RANBP2: variants seen among roughly 807,000 people sequenced by gnomAD.
RANBP2 encodes E3 SUMO-protein ligase RanBP2.
In RANBP2, 57 loss-of-function variants were observed where a neutral mutation model predicts 303.6. The ratio of observed to expected loss-of-function variants is 0.19; its 90% CI spans 0.15 to 0.23. RANBP2 has a LOEUF of 0.23. Among genes scored for constraint, RANBP2 ranks in the 10% least tolerant of loss-of-function variants. The pLI is 1.00. For missense variants in RANBP2, 3,138 were observed against 3,780.8 expected (o/e 0.83, Z 4.46); for synonymous variants, 1,167 against 1,301.5 (o/e 0.90, Z 2.23).
At chr2:109,137,067 A>G in the RANBP2 span, among the ~76,000 whole-genome samples, 6 of 152,226 alleles carry the variant, frequency 3.9e-5, no homozygotes. Context: ...GTCTCTATTT[A>G]TAATGAAATG....
the RANBP2 span, among the ~76,000 whole-genome samples, chr2:108,963,192 T>C: frequency 6.6e-6 from 1 of 152,118 alleles, no homozygotes; most frequent in African/African-American, 2.4e-5. Context: ...TTTGGGAAAA[T>C]ACATCTGAAG....
chr2:109,694,351 C>T, the RANBP2 span, among the ~76,000 whole-genome samples: 1 of 151,862 alleles, frequency 6.6e-6, no homozygotes, highest in Non-Finnish European at 1.5e-5. Flanking sequence ...TCCCCAAAAT[C>T]AGAAGCCTGC....
the RANBP2 span, among the ~76,000 whole-genome samples, chr2:109,069,215 A>G: frequency 4.6e-5 from 7 of 152,218 alleles, no homozygotes; most frequent in African/African-American, 1.7e-4. Context: ...TAAAATAGAG[A>G]TCATAAAAAG....
the RANBP2 span, among the ~76,000 whole-genome samples, chr2:109,680,654 C>A: frequency 6.6e-6 from 1 of 152,178 alleles, no homozygotes; most frequent in Non-Finnish European, 1.5e-5. Context: ...CTGAGCTGAC[C>A]CCCAGGGCAG....
At chr2:108,772,758 A>G (rs1677597196) in intron 22 of RANBP2, 110 bp from the exon 23 acceptor site, 3 of 1,272,006 alleles carry the variant, frequency 2.4e-6, no homozygotes, top group Non-Finnish European at 3.3e-6. Flanking sequence ...TTTCATTAGT[A>G]TGTACAGGTC....
chr2:109,054,845 A>G, the RANBP2 span, among the ~76,000 whole-genome samples: 2 of 152,110 alleles, frequency 1.3e-5, no homozygotes, highest in African/African-American at 4.8e-5. Flanking sequence ...TCCAGTTTCT[A>G]TCACCATAGC....
chr2:109,132,997 C>T, the RANBP2 span, among the ~76,000 whole-genome samples: 1 of 152,194 alleles, frequency 6.6e-6, no homozygotes, highest in Non-Finnish European at 1.5e-5. Context: ...TGAGCCTATA[C>T]AGAACATCTT....
In RANBP2 at chr2:108,755,229, A is replaced by G; in HGVS notation, c.2436A>G (p.Lys812=). ...RWAEDQNSLL[K]MICQQVEAIK... is the part of the protein sequence containing the mutation. Reference sequence around the variant, plus strand: ...CAGAAGATCAGAATTCTTTACTGAAAATGATTTGCCAACAAGTAGAGGCCA... The same window carrying G: ...CAGAAGATCAGAATTCTTTACTGAAGATGATTTGCCAACAAGTAGAGGCCA... Residue 812 remains lysine, a synonymous_variant, in exon 17 of 29, where the codon AAA becomes AAG. Transcript: ENST00000283195. The G allele has an allele frequency of 6.2e-7, 1 of 1,611,922 alleles. No individual in the cohort carries two copies. Among genetic ancestry groups the G allele is most frequent in the Non-Finnish European group, 8.5e-7 (1 of 1,179,840 alleles).
chr2:108,946,422 G>A, the RANBP2 span, among the ~76,000 whole-genome samples: 2 of 152,340 alleles, frequency 1.3e-5, no homozygotes, highest in African/African-American at 2.4e-5. Flanking sequence ...TTGGGGACTG[G>A]TGTCAGGAAT....
the RANBP2 span, among the ~76,000 whole-genome samples, chr2:109,217,359 T>C: frequency 3.3e-5 from 5 of 152,232 alleles, no homozygotes; most frequent in Non-Finnish European, 4.4e-5. Flanking sequence ...ACTTACCATA[T>C]CGTGAATGAG....
the RANBP2 span, among the ~76,000 whole-genome samples, chr2:108,813,248 CAAAAAAAAAA>C: frequency 7.9e-5 from 5 of 63,564 alleles, no homozygotes; most frequent in East Asian, 1.0e-3. Flanking sequence ...GACTCCGTCT[CAAAAAAAAAA>C]AAAAAAAAAA....
chr2:108,996,217 G>T, the RANBP2 span, among the ~76,000 whole-genome samples: 2 of 152,160 alleles, frequency 1.3e-5, no homozygotes, highest in East Asian at 3.9e-4. Context: ...CAGGCTTCTG[G>T]TGTTGACCAG....
At position 108,719,707 on chromosome 2, in the gene RANBP2, C is replaced by T. The variant is rs749644724; in HGVS notation, c.72+29C>T. On this transcript the variant is annotated intron_variant, in intron 1 of 28. Transcript: ENST00000283195. ...AGTGGGTCTCGAAGAGACCGACGGC[C>T]TCGACCTGGCCGGGCGGCGGCCTCG... 7 of 1,575,150 alleles carry T rather than the reference C, an allele frequency of 4.4e-6. No homozygotes were observed. The Admixed American group carries it at 5.6e-5, about 13-fold the overall frequency.
At chr2:108,923,795 C>T in the RANBP2 span, among the ~76,000 whole-genome samples, 1 of 152,366 alleles carries the variant, frequency 6.6e-6, no homozygotes, top group South Asian at 2.1e-4. Flanking sequence ...CTGCTTAGCC[C>T]CCCAGGGGTC....
At chr2:109,122,961 CAAGTT>C in the RANBP2 span, among the ~76,000 whole-genome samples, 14 of 152,310 alleles carry the variant, frequency 9.2e-5, no homozygotes, top group Admixed American at 7.8e-4. Flanking sequence ...CCTCTCACCT[CAAGTT>C]GTGTCTTAGG....
the RANBP2 span, among the ~76,000 whole-genome samples, chr2:109,223,183 A>C: frequency 6.6e-6 from 1 of 152,252 alleles, no homozygotes; most frequent in South Asian, 2.1e-4. Context: ...CTGCTGCCAC[A>C]GATCATGAAT....
chr2:108,741,893 A>G (rs1696132401), intron 7 of RANBP2, among the ~76,000 whole-genome samples: 1 of 150,550 alleles, frequency 6.6e-6, no homozygotes, highest in Non-Finnish European at 1.5e-5. Context: ...AAAGCATTAA[A>G]CCACGCTTAG....
chr2:109,466,858 T>C, the RANBP2 span, among the ~76,000 whole-genome samples: 2 of 152,220 alleles, frequency 1.3e-5, no homozygotes, highest in African/African-American at 4.8e-5. Flanking sequence ...TCTATACATG[T>C]GCATGTGTGT....
the RANBP2 span, among the ~76,000 whole-genome samples, chr2:108,832,094 A>G: frequency 6.6e-6 from 1 of 150,874 alleles, no homozygotes; most frequent in Non-Finnish European, 1.5e-5. Flanking sequence ...CAGTGCTGCC[A>G]TCTCAGCTCC....
Sources: allele counts gnomAD v4.1 joint callset (sites outside exome capture counted in the v4.1 genomes callset), GRCh38; gene constraint gnomAD v4.1.1; transcripts MANE v1.5; gene names NCBI Gene and HGNC (gene_info 2026-07-23, HGNC 2026-07-21).